Variants in EIF3A observed in about 807,000 individuals in gnomAD.
EIF3A encodes EIF3, p180 subunit.
Under a neutral mutation model 186.6 loss-of-function variants are expected in EIF3A, and 21 were observed. The ratio of observed to expected loss-of-function variants is 0.11; its 90% CI spans 0.08 to 0.16. The LOEUF (loss-of-function observed/expected upper bound fraction) is 0.16. Among genes scored for constraint, EIF3A ranks in the 10% least tolerant of loss-of-function variants. The pLI is 1.00. For missense variants in EIF3A, 1,306 were observed against 1,796.3 expected, an observed-to-expected ratio of 0.73 and a Z score of 4.93; for synonymous variants, 563 against 584.3, an observed-to-expected ratio of 0.96 and a Z score of 0.52.
rs1001509967 is a variant in EIF3A at position 119,044,158 on chromosome 10, G to A, written c.2659-16C>T. On this transcript the variant is annotated splice_polypyrimidine_tract_variant and intron_variant, in intron 17 of 21. Transcript: ENST00000369144. Reference sequence around the variant, plus strand: ...AACGAGAGTCCTCCATTGACAAAGTGAAAAAGAAGCATTACATTGGTAACC... The same window carrying A: ...AACGAGAGTCCTCCATTGACAAAGTAAAAAAGAAGCATTACATTGGTAACC... 3 of 1,556,314 alleles carry A rather than the reference G, an allele frequency of 1.9e-6. No homozygotes were observed. Among genetic ancestry groups the A allele is most frequent in the Non-Finnish European group, 2.7e-6 (3 of 1,128,858 alleles).
At chr10:119,069,352 G>C in intron 6 of EIF3A, 94 bp downstream of exon 6, 1 of 697,880 alleles carries the variant, frequency 1.4e-6, no homozygotes, top group Middle Eastern at 3.9e-4. Flanking sequence ...CAGTAGTGCA[G>C]AGGCTGAGAA....
At chr10:119,055,440 C>CT (rs1405960956) in intron 14 of EIF3A, among the ~76,000 whole-genome samples, 2 of 152,172 alleles carry the variant, frequency 1.3e-5, no homozygotes, top group Admixed American at 1.3e-4. Context: ...GTATTAAATA[C>CT]TTTGAGAATT....
At chr10:119,048,685 C>A (rs907662735) in intron 17 of EIF3A, among the ~76,000 whole-genome samples, 3 of 147,078 alleles carry the variant, frequency 2.0e-5, no homozygotes, top group Non-Finnish European at 4.5e-5. Context: ...TTTTTTTTTT[C>A]CCCTGAGACA....
chr10:119,036,292 AAAATT>A lies in EIF3A; in HGVS notation c.3920-29_3920-25del, dbSNP rs532090351. 502 of 1,544,230 alleles carry A rather than the reference AAAATT, an allele frequency of 3.3e-4. 2 individuals carry two copies. The South Asian group carries it at 5.6e-3, about 17-fold the overall frequency. On this transcript the variant is annotated intron_variant, in intron 21 of 21. Coordinates refer to ENST00000369144, the MANE Select transcript of EIF3A (RefSeq NM_003750.4). ...TACTAAAAAGTTTAATTAAAAAAAAAAAATTAAGTTAGTACTATATTCTATTGGCT... is the reference window on the plus strand; with the variant it reads ...TACTAAAAAGTTTAATTAAAAAAAAAAAGTTAGTACTATATTCTATTGGCT...
At position 119,037,069 on chromosome 10, in the gene EIF3A, C is replaced by CG. The variant is rs781437940; in HGVS notation, c.3919+49_3919+50insC. On this transcript the variant is annotated intron_variant, in intron 21 of 21. Transcript: ENST00000369144. The stretch of plus-strand genomic sequence containing the variant: ...AATTAAATAACCCAAATCCCCCCCC[C>CG]CCCAGAAACGACAGTTCTCCAATAC... 2.0e-5 allele frequency: 19 copies of CG among 941,408 alleles called. No individual in the cohort carries two copies. In the East Asian group the frequency reaches 4.1e-4, roughly 20 times the overall value. The allele number at this position is 941,408 out of a possible 1,614,324, so 58.3% of individuals were successfully genotyped here.
intron 6 of EIF3A, 88 bp from the exon 7 acceptor site, chr10:119,065,658 C>T (rs1324044943): frequency 8.7e-6 from 8 of 920,244 alleles, no homozygotes; most frequent in Non-Finnish European, 1.4e-5. Flanking sequence ...TACGGTAAGG[C>T]GTGCTAGTGA....
At chr10:119,053,252 A>C (rs959459289) in intron 14 of EIF3A, among the ~76,000 whole-genome samples, 2 of 152,120 alleles carry the variant, frequency 1.3e-5, no homozygotes, top group South Asian at 4.1e-4. Flanking sequence ...GGACCCTAGG[A>C]TTTTTGGAAT....
chr10:119,036,705 G>A lies in EIF3A; in HGVS notation c.3919+414C>T, dbSNP rs184081749. ...CTCATAACAGGATGTCAAGACATAT[G>A]GAAAATTAATTTTTAAAAACCAAGA... is the stretch of plus-strand genomic sequence containing the variant. On this transcript the variant is annotated intron_variant, in intron 21 of 21. Transcript: ENST00000369144. Among the ~76,000 whole-genome samples, 717 of 151,712 alleles carry A rather than the reference G, an allele frequency of 4.7e-3. 6 individuals are homozygous for A. Among genetic ancestry groups the A allele is most frequent in the African/African-American group, 0.016 (670 of 41,358 alleles).
At chr10:119,080,360 C>A (rs1168551020) in intron 1 of EIF3A, 1 of 985,338 alleles carries the variant, frequency 1.0e-6, no homozygotes, top group Non-Finnish European at 1.2e-6. Flanking sequence ...GTCTCCCGGG[C>A]TGCGGTCCCC....
chr10:119,075,651 C>T lies in EIF3A; in HGVS notation c.50-1714G>A, dbSNP rs199904905. 1.7e-3 allele frequency among the ~76,000 whole-genome samples: 163 copies of T among 97,090 alleles called. 1 individual carries two copies. In the East Asian group the frequency reaches 0.02, roughly 12 times the overall value. The allele number at this position is 97,090 out of a possible 152,430, so 63.7% of individuals were successfully genotyped here. ...GGGAGCTTAAAACACTATATATATA[C>T]ATATATATATATATATCTCCTTTTT... On this transcript the variant is annotated intron_variant, in intron 1 of 21. Coordinates refer to ENST00000369144, the MANE Select transcript of EIF3A (RefSeq NM_003750.4).
chr10:119,034,229 C>T lies in EIF3A; in HGVS notation c.*1810G>A, dbSNP rs1297461890. On this transcript the variant is annotated 3_prime_UTR_variant, in exon 22 of 22. Coordinates refer to ENST00000369144, the MANE Select transcript of EIF3A (RefSeq NM_003750.4). The stretch of plus-strand genomic sequence containing the variant: ...CAGCATCAGACTCTTCTGCCCTCCT[C>T]TTGCACTTGGGTTCTGACTCCCAGA... 3 of 167,142 alleles carry T rather than the reference C, an allele frequency of 1.8e-5. No individual in the cohort carries two copies. The highest frequency in any genetic ancestry group is 3.4e-3 in the Middle Eastern group (1 of 298). The allele number at this position is 167,142 out of a possible 1,614,324, so 10.4% of individuals were successfully genotyped here. A position where few individuals can be genotyped will look rare whatever the true frequency, so the allele number is the denominator to read the frequency against.
intron 6 of EIF3A, among the ~76,000 whole-genome samples, 168 bp downstream of exon 6, chr10:119,069,270 GCTGCTAAA>G (rs1844034198): frequency 6.6e-6 from 1 of 152,206 alleles, no homozygotes; most frequent in Non-Finnish European, 1.5e-5. Flanking sequence ...AGCTGAGGAT[GCTGCTAAA>G]CTGCTAAACC....
intron 6 of EIF3A, among the ~76,000 whole-genome samples, chr10:119,068,837 G>T (rs889960592): frequency 1.3e-5 from 2 of 151,664 alleles, no homozygotes; most frequent in Admixed American, 6.6e-5. Flanking sequence ...GCCGGGCATG[G>T]TGGTGGGTGC....
chr10:119,044,262 G>A (rs1490277981), intron 17 of EIF3A, 120 bp from the exon 18 acceptor site: 3 of 693,912 alleles, frequency 4.3e-6, no homozygotes, highest in Non-Finnish European at 7.6e-6. Context: ...AAATAAGCAA[G>A]TTTTAAAATT....
At position 119,059,248 on chromosome 10, in the gene EIF3A, T is replaced by C. The variant is rs766793188; in HGVS notation, c.1593A>G (p.Ala531=). The C allele has an allele frequency of 1.2e-6, 2 of 1,614,088 alleles. No individual in the cohort carries two copies. Among genetic ancestry groups the C allele is most frequent in the African/African-American group, 2.7e-5 (2 of 74,932 alleles). The change falls in exon 11 of 22, where the codon GCA becomes GCG. Residue 531 remains alanine (A), a synonymous_variant. Transcript: ENST00000369144. ...NQLTAMSSVL[A]KALEVIKPAH... The stretch of plus-strand genomic sequence containing the variant: ...CTGGTTTAATGACTTCAAGTGCTTT[T>C]GCAAGTACTGAGGACATGGCTGTCA...
chr10:119,065,355 A>T, intron 7 of EIF3A, 44 bp downstream of exon 7: 1 of 1,446,870 alleles, frequency 6.9e-7, no homozygotes, highest in East Asian at 2.3e-5. Flanking sequence ...CTGACCACAA[A>T]GTTTTCTGCC....
At position 119,042,029 on chromosome 10, in the gene EIF3A, G is replaced by A. The variant is rs2119817708; in HGVS notation, c.3491C>T (p.Ser1164Leu). 1 of 1,614,202 alleles carries A rather than the reference G, an allele frequency of 6.2e-7. No individual in the cohort carries two copies. The highest frequency in any genetic ancestry group is 8.5e-7 in the Non-Finnish European group (1 of 1,180,046). The change falls in exon 19 of 22, where the codon TCA becomes TTA. Residue 1164 changes from serine (S) to leucine (L), a missense_variant. Physicochemically the swap from Ser to Leu is moderately radical, Grantham distance 145 (BLOSUM62 -2). Around this residue, in one of 8 missense-constraint regions of EIF3A, gnomAD observed 331 missense variants for 365.8 expected, o/e 0.90. Coordinates refer to ENST00000369144, the MANE Select transcript of EIF3A (RefSeq NM_003750.4). This position sits in a 1 kb window ranked among gnomAD's most constrained non-coding sequence, Gnocchi z 7.8. ...DDRFPRRGDD[S>L]RPGPWRPLVK... Reference sequence around the variant, plus strand: ...TAATGGTCTCCAAGGACCAGGTCTTGAGTCATCACCCCGTCTGGGAAACCG... The same window carrying A: ...TAATGGTCTCCAAGGACCAGGTCTTAAGTCATCACCCCGTCTGGGAAACCG...
chr10:119,064,060 C>T (rs1349815070), intron 7 of EIF3A, among the ~76,000 whole-genome samples: 2 of 152,200 alleles, frequency 1.3e-5, no homozygotes, highest in East Asian at 3.8e-4. Flanking sequence ...GCCTGAGCAA[C>T]AGAGCTAGAC....
chr10:119,080,344 G>A lies in EIF3A; in HGVS notation c.49+284C>T, dbSNP rs577738407. 1.6e-3 allele frequency: 1,536 copies of A among 985,462 alleles called. 1 individual carries two copies. The highest frequency in any genetic ancestry group is 1.7e-3 in the Non-Finnish European group (1,415 of 829,932). 61.0% of individuals were successfully genotyped at this position (985,462 alleles called of 1,614,324 possible). A position where few individuals can be genotyped will look rare whatever the true frequency, so the allele number is the denominator to read the frequency against. On this transcript the variant is annotated intron_variant, in intron 1 of 21. Coordinates refer to ENST00000369144, the MANE Select transcript of EIF3A (RefSeq NM_003750.4). Reference sequence around the variant, plus strand: ...CAAGGAGGGAGCTCCAGTCCGGGTAGGGGCTGTCTCCCGGGCTGCGGTCCC... The same window carrying A: ...CAAGGAGGGAGCTCCAGTCCGGGTAAGGGCTGTCTCCCGGGCTGCGGTCCC...
Sources: gnomAD v4.1 joint callset for allele counts (sites outside exome capture counted in the v4.1 genomes callset) on GRCh38, gnomAD v4.1.1 for gene constraint, gnomAD v4.1.1 regional missense constraint, Gnocchi (gnomAD v3.1) non-coding constraint, MANE v1.5 for transcripts, NCBI Gene and HGNC (gene_info 2026-07-23, HGNC 2026-07-21) for gene names.